PAPLN: variants seen among roughly 807,000 people sequenced by gnomAD.
PAPLN encodes papilin, proteoglycan like sulfated glycoprotein.
PAPLN carries 146 observed loss-of-function variants against 159.0 expected under a neutral mutation model. That is an observed-to-expected ratio of 0.92 (90% CI 0.80 to 1.05). The LOEUF is 1.05. Ranked by LOEUF, PAPLN falls within the 50% of genes least tolerant of loss-of-function variation. The pLI, the probability that PAPLN is intolerant of heterozygous loss-of-function variation, is 0.00. For synonymous variants in PAPLN, 734 were observed against 702.9 expected (o/e 1.04, Z -0.70); for missense variants, 1,720 against 1,743.9 (o/e 0.99, Z 0.24).
chr14:73,259,292 G>A lies in PAPLN; in HGVS notation c.1732G>A (p.Ala578Thr), dbSNP rs1437602276. 2 of 1,576,196 alleles carry A rather than the reference G, an allele frequency of 1.3e-6. No individual in the cohort carries two copies. The highest frequency in any genetic ancestry group is 3.6e-5 in the Admixed American group (2 of 55,406). ...AGACTCCAGAGGCCAGTGGTGGGCA[G>A]CCCAGGAACACCCCTCAGCCAGGGG... Reference protein sequence around the residue: ...ASDSRGQWWAAQEHPSARGDH... With the variant: ...ASDSRGQWWATQEHPSARGDH... Residue 578 changes from alanine (A) to threonine (T), a missense_variant, in exon 16 of 27, where the codon GCC (alanine) becomes ACC (threonine). Transcript: ENST00000644200.
At position 73,273,601 on chromosome 14, in the gene PAPLN, T is replaced by G. The variant is rs1424907277; in HGVS notation, c.*937T>G. ...CACTGTGCCCAGCCCATCAATGTGT[T>G]TTAAAGCTAGCTGTCAGGGTTCCAC... On this transcript the variant is annotated 3_prime_UTR_variant, in exon 27 of 27. Transcript: ENST00000644200. 1.3e-5 allele frequency: 2 copies of G among 152,224 alleles called. No homozygotes were observed. Among genetic ancestry groups the G allele is most frequent in the African/African-American group, 4.8e-5 (2 of 41,438 alleles). The allele number at this position is 152,224 out of a possible 1,614,324, so 9.4% of individuals were successfully genotyped here. A position where few individuals can be genotyped will look rare whatever the true frequency, so the allele number is the denominator to read the frequency against.
intron 6 of PAPLN, 90 bp downstream of exon 6, chr14:73,250,204 G>A: frequency 7.0e-7 from 1 of 1,420,116 alleles, no homozygotes; most frequent in Non-Finnish European, 9.2e-7. Flanking sequence ...GGCCCAGGTA[G>A]CTGCCATGAG....
In PAPLN at chr14:73,264,709, C is replaced by A. The variant is rs1887036440; in HGVS notation, c.3108C>A (p.His1036Gln). Residue 1036 changes from histidine to glutamine, a missense_variant, in exon 22 of 27, where the codon CAC becomes CAA. Coordinates refer to ENST00000644200, the MANE Select transcript of PAPLN (RefSeq NM_001365906.3). ...CCCTGGGGGCCATCCCCTCTTCACA[C>A]CCACAGCCTGCAAACAGGTAAGAAC... ...AGPLGAIPSS[H>Q]PQPANRLRLD... 1.2e-6 allele frequency: 2 copies of A among 1,613,134 alleles called. No homozygotes were observed. Among genetic ancestry groups the A allele is most frequent in the Non-Finnish European group, 8.5e-7 (1 of 1,179,898 alleles).
chr14:73,269,516 C>G (rs530488320), intron 26 of PAPLN, among the ~76,000 whole-genome samples: 18 of 152,242 alleles, frequency 1.2e-4, no homozygotes, highest in African/African-American at 4.3e-4. Context: ...GGATGCAAAC[C>G]AACTTGAGAG....
intron 26 of PAPLN, among the ~76,000 whole-genome samples, chr14:73,270,238 CTCGTGGCG>C (rs1887595353): frequency 6.6e-6 from 1 of 152,238 alleles, no homozygotes; most frequent in African/African-American, 2.4e-5. Flanking sequence ...GGATCCCGCA[CTCGTGGCG>C]GCCCCGCGCT....
At position 73,261,210 on chromosome 14, in the gene PAPLN, G is replaced by A. The variant is rs1233784546; in HGVS notation, c.2161G>A (p.Gly721Ser). Reference sequence around the variant, plus strand: ...GCAGAATGAGCCCAGTGAGTGCCGGGGCTCCCAGTTTGGCTGTTGCTATGA... The same window carrying A: ...GCAGAATGAGCCCAGTGAGTGCCGGAGCTCCCAGTTTGGCTGTTGCTATGA... ...AQQNEPSECR[G>S]SQFGCCYDNV... The change falls in exon 18 of 27, where the codon GGC (glycine) becomes AGC (serine). Residue 721 changes from glycine to serine, a missense_variant. Transcript: ENST00000644200. 1 of 1,613,944 alleles carries A rather than the reference G, an allele frequency of 6.2e-7. No homozygotes were observed. Among genetic ancestry groups the A allele is most frequent in the East Asian group, 2.2e-5 (1 of 44,890 alleles).
rs1017710007 is a variant in PAPLN, at chr14:73,245,402, C to T, written c.171-234C>T. On this transcript the variant is annotated intron_variant, in intron 3 of 26. Transcript: ENST00000644200. This position sits in a 1 kb window ranked among gnomAD's most constrained non-coding sequence, Gnocchi z 4.2. Reference sequence around the variant, plus strand: ...TGCCTAAGATGCAGTGGAGTGGTCCCGCCTTAAATCCAAACTATAGGGTGG... The same window carrying T: ...TGCCTAAGATGCAGTGGAGTGGTCCTGCCTTAAATCCAAACTATAGGGTGG... 9.0e-6 allele frequency: 5 copies of T among 555,410 alleles called. No homozygotes were observed. The highest frequency in any genetic ancestry group is 1.9e-5 in the African/African-American group (1 of 52,534). 34.4% of individuals were successfully genotyped at this position (555,410 alleles called of 1,614,324 possible).
In PAPLN at chr14:73,264,207, T is replaced by C. The variant is rs981279706; in HGVS notation, c.2862-4T>C. The stretch of plus-strand genomic sequence containing the variant: ...CTCATGTCCTCCCACACCACCCCAC[T>C]CAGGCACAGGCTGCAGTTCGACGGA... On this transcript the variant is annotated splice_polypyrimidine_tract_variant and splice_region_variant and intron_variant, in intron 20 of 26. Transcript: ENST00000644200. 1.2e-6 allele frequency: 2 copies of C among 1,613,472 alleles called. No homozygotes were observed. The highest frequency in any genetic ancestry group is 1.7e-6 in the Non-Finnish European group (2 of 1,179,890).
At chr14:73,264,066 G>GAAGC (rs1163575597) in intron 20 of PAPLN, 145 bp from the exon 21 acceptor site, 1 of 1,498,710 alleles carries the variant, frequency 6.7e-7, no homozygotes, top group African/African-American at 1.4e-5. Flanking sequence ...AGCCTCCCCT[G>GAAGC]AAGCATATTC....
At chr14:73,251,065 C>G (rs776841322) in intron 7 of PAPLN, 35 bp downstream of exon 7, 1 of 1,591,036 alleles carries the variant, frequency 6.3e-7, no homozygotes, top group Non-Finnish European at 8.6e-7. Flanking sequence ...AGTTGCCTGC[C>G]CCCTTCCTTG....
At chr14:73,238,245 C>A (rs1001838981) in intron 1 of PAPLN, among the ~76,000 whole-genome samples, 82 of 152,342 alleles carry the variant, frequency 5.4e-4, no homozygotes, top group African/African-American at 1.9e-3. Context: ...CTAGGGTCGC[C>A]GCCTTCGGCC....
In PAPLN at chr14:73,255,034, C is replaced by T; in HGVS notation, c.1627+16C>T. Reference sequence around the variant, plus strand: ...CTCCCCCAGGGTAAGGACAGGAGGGCAGGGAGGAGTCCGGCCTCTGACCTC... The same window carrying T: ...CTCCCCCAGGGTAAGGACAGGAGGGTAGGGAGGAGTCCGGCCTCTGACCTC... On this transcript the variant is annotated intron_variant, in intron 14 of 26. Coordinates refer to ENST00000644200, the MANE Select transcript of PAPLN (RefSeq NM_001365906.3). 6.2e-7 allele frequency: 1 copy of T among 1,608,040 alleles called. No homozygotes were observed. Among genetic ancestry groups the T allele is most frequent in the East Asian group, 2.2e-5 (1 of 44,506 alleles).
chr14:73,249,747 C>G, intron 5 of PAPLN: 1 of 245,438 alleles, frequency 4.1e-6, no homozygotes. Context: ...AGGTAGACTT[C>G]TTTAAGTGTT....
Position 73,259,418 on chromosome 14 carries a change from C to T in PAPLN, c.1858C>T (p.Pro620Ser), listed in dbSNP as rs771771200. The change falls in exon 16 of 27, where the codon CCC (proline) becomes TCC (serine). Residue 620 changes from proline (P) to serine (S), a missense_variant. By Grantham distance (74) the Pro-to-Ser change is moderately conservative (BLOSUM62 -1). Coordinates refer to ENST00000644200, the MANE Select transcript of PAPLN (RefSeq NM_001365906.3). The stretch of plus-strand genomic sequence containing the variant: ...TCTGCAGCAGCCCCCATACCAGCAA[C>T]CCCTGCGGTCGGGCTCAGGGCCCCA... ...PSLQQPPYQQ[P>S]LRSGSGPHDC... 3.7e-6 allele frequency: 6 copies of T among 1,613,116 alleles called. No homozygotes were observed. The East Asian group carries it at 6.7e-5, about 18-fold the overall frequency.
chr14:73,249,622 C>T (rs918883008), intron 5 of PAPLN, among the ~76,000 whole-genome samples: 1 of 137,534 alleles, frequency 7.3e-6, no homozygotes, highest in African/African-American at 2.8e-5. Flanking sequence ...TGCAGTGAGT[C>T]GAGATCGTGC....
rs144000569 is a variant in PAPLN at position 73,262,420 on chromosome 14, C to T, written c.2316C>T (p.Phe772=). The T allele has an allele frequency of 9.1e-5, 147 of 1,613,912 alleles. No individual in the cohort carries two copies. Among genetic ancestry groups the T allele is most frequent in the Non-Finnish European group, 1.1e-4 (131 of 1,179,968 alleles). ...CAGACTGGGCTGCCCGCTGGTACTT[C>T]GTTGCCTCTGTGGGCCAATGTAACC... ...SCADWAARWY[F]VASVGQCNRF... The change falls in exon 19 of 27, where the codon TTC becomes TTT. Residue 772 remains phenylalanine, a synonymous_variant. Coordinates refer to ENST00000644200, the MANE Select transcript of PAPLN (RefSeq NM_001365906.3).
At chr14:73,267,423 C>G (rs1307081753) in intron 25 of PAPLN, among the ~76,000 whole-genome samples, 2 of 152,208 alleles carry the variant, frequency 1.3e-5, no homozygotes, top group African/African-American at 4.8e-5. Flanking sequence ...CCAGAGTACT[C>G]CCGGGCAGAT....
In PAPLN at chr14:73,244,746, T is replaced by C; in HGVS notation, c.157T>C (p.Cys53Arg). ...GGGTGTCAGCTTCCGGGAGCGCCCC[T>C]GCTACTCCCAGAGGTAGGAGAGATG... ...GGGVSFRERP[C>R]YSQRRDGGSS... The change falls in exon 3 of 27, where the codon TGC (cysteine) becomes CGC (arginine). Residue 53 changes from cysteine (C) to arginine (R), a missense_variant. Physicochemically the swap from Cys to Arg is radical, Grantham distance 180. Transcript: ENST00000644200. The C allele has an allele frequency of 6.4e-7, 1 of 1,568,990 alleles. No individual in the cohort carries two copies.
At chr14:73,255,898 T>A (rs560245115) in intron 14 of PAPLN, among the ~76,000 whole-genome samples, 3 of 152,224 alleles carry the variant, frequency 2.0e-5, no homozygotes, top group Non-Finnish European at 2.9e-5. Flanking sequence ...GTGCCCCACC[T>A]CTCTGATTCT....
Sources: allele counts gnomAD v4.1 joint callset (sites outside exome capture counted in the v4.1 genomes callset), GRCh38; gene constraint gnomAD v4.1.1; non-coding constraint Gnocchi (gnomAD v3.1); transcripts MANE v1.5; gene names NCBI Gene and HGNC (gene_info 2026-07-23, HGNC 2026-07-21).